FAT1: variants seen among roughly 807,000 people sequenced by gnomAD.
The protein encoded by FAT1 is FAT atypical cadherin 1.
FAT1 carries 171 observed loss-of-function variants against 329.8 expected under a neutral mutation model. The ratio of observed to expected loss-of-function variants is 0.52; its 90% confidence interval spans 0.46 to 0.59. FAT1 has a LOEUF of 0.59. Among genes scored for constraint, FAT1 ranks in the 20% least tolerant of loss-of-function variants. FAT1 has a pLI of 0.00. For missense variants in FAT1, 5,672 were observed against 5,774.4 expected (o/e 0.98, Z 0.57); for synonymous variants, 2,233 against 2,228.6 (o/e 1.00, Z -0.06).
rs780641625 is a variant in FAT1 at position 186,620,288 on chromosome 4, T to G, written c.6298A>C (p.Ile2100Leu). The stretch of plus-strand genomic sequence containing the variant: ...CTGTCTACAGCAGTGACATAGCGAA[T>G]GACATGGCCCACCTCAGTGTCCACT... ...VKVDTEVGHV[I>L]RYVTAVDRDS... The change falls in exon 10 of 27, where the codon ATT becomes CTT. Residue 2100 changes from isoleucine (I) to leucine (L), a missense_variant. Ile to Leu is a conservative substitution (Grantham distance 5). This residue lies in a region of FAT1 where 3,966 missense variants were observed against 3,915.2 expected (regional missense o/e 1.01). Transcript: ENST00000441802. 14 of 1,613,880 alleles carry G rather than the reference T, an allele frequency of 8.7e-6. No individual in the cohort carries two copies. The highest frequency in any genetic ancestry group is 1.2e-5 in the Non-Finnish European group (14 of 1,179,902).
At position 186,707,009 on chromosome 4, in the gene FAT1, AG is replaced by A; in HGVS notation, c.2818del (p.Leu940PhefsTer10). On this transcript the variant is annotated frameshift_variant, in exon 2 of 27. Transcript: ENST00000441802. LOFTEE classifies it high-confidence loss of function. ...CCACATGATGACGGTTCCTTCTGGAAGATCCTCTCGGACTTTCACACGATAA... is the reference window on the plus strand; with the variant it reads ...CCACATGATGACGGTTCCTTCTGGAAATCCTCTCGGACTTTCACACGATAA... ...PNYRVKVREDLPEGTVIMWLE... is the reference protein window; with the variant it reads ...PNYRVKVREDXPEGTVIMWLE... The A allele has an allele frequency of 6.2e-7, 1 of 1,613,984 alleles. No individual in the cohort carries two copies. Among genetic ancestry groups the A allele is most frequent in the Non-Finnish European group, 8.5e-7 (1 of 1,179,888 alleles).
rs1326706984 is a variant in FAT1, at chr4:186,628,332, G to A, written c.4632C>T (p.Asn1544=). ...VRDQDVPVKR[N]FARIVVNVSD... ...TGACATTGACCACAATCCTTGCAAA[G>A]TTGCGTTTTACAGGCACATCTTGAT... Residue 1544 remains asparagine, a synonymous_variant, in exon 9 of 27, where the codon AAC becomes AAT. Coordinates refer to ENST00000441802, the MANE Select transcript of FAT1 (RefSeq NM_005245.4). The A allele has an allele frequency of 6.2e-7, 1 of 1,613,104 alleles. No individual in the cohort carries two copies. Among genetic ancestry groups the A allele is most frequent in the Non-Finnish European group, 8.5e-7 (1 of 1,179,546 alleles).
intron 2 of FAT1, among the ~76,000 whole-genome samples, chr4:186,689,292 C>T (rs1215986835): frequency 6.6e-6 from 1 of 152,148 alleles, no homozygotes; most frequent in Non-Finnish European, 1.5e-5. Flanking sequence ...CCAAATTATG[C>T]CCCCCAAAAA....
At chr4:186,673,822 C>T (rs1016635873) in intron 2 of FAT1, among the ~76,000 whole-genome samples, 2 of 152,100 alleles carry the variant, frequency 1.3e-5, no homozygotes, top group Non-Finnish European at 2.9e-5. Flanking sequence ...CCATGTTGTC[C>T]CGCTTTGTTG....
chr4:186,714,808 G>A (rs1048244262), intron 1 of FAT1, among the ~76,000 whole-genome samples: 86 of 152,312 alleles, frequency 5.6e-4, no homozygotes, highest in African/African-American at 1.5e-3. Flanking sequence ...AGCTGGGCGC[G>A]GTGGCTCACG....
chr4:186,682,464 T>C (rs564352109), intron 2 of FAT1, among the ~76,000 whole-genome samples: 1 of 142,298 alleles, frequency 7.0e-6, no homozygotes, highest in African/African-American at 2.7e-5. Context: ...GAGGTGGAGG[T>C]TGCAGTGAGC....
chr4:186,724,263 T>C (rs1041993813), upstream of FAT1, among the ~76,000 whole-genome samples: 3 of 150,406 alleles, frequency 2.0e-5, no homozygotes, highest in Non-Finnish European at 4.4e-5. This position sits in a 1 kb window ranked among gnomAD's most constrained non-coding sequence, Gnocchi z 5.3. Context: ...TCCATAGCCT[T>C]CTGGGAGCCC....
intron 3 of FAT1, 58 bp downstream of exon 3, chr4:186,663,241 T>C: frequency 3.1e-6 from 4 of 1,287,322 alleles, no homozygotes; most frequent in South Asian, 1.4e-5. Flanking sequence ...ATTCTTACTT[T>C]TCCCCCTAAC....
At chr4:186,662,937 C>T (rs1159610171) in intron 3 of FAT1, among the ~76,000 whole-genome samples, 1 of 152,044 alleles carries the variant, frequency 6.6e-6, no homozygotes, top group Middle Eastern at 3.4e-3. Context: ...CCCGGGTTCA[C>T]GCCATTCTCC....
chr4:186,707,920 T>C lies in FAT1; in HGVS notation c.1908A>G (p.Ala636=), dbSNP rs61733572. 2.1e-5 allele frequency: 34 copies of C among 1,614,010 alleles called. No homozygotes were observed. In the African/African-American group the frequency reaches 3.2e-4, roughly 15 times the overall value. ...TTCTCAGACTGTGGAAAGACACCTT[T>C]GCACCTAAGCCATCCATTAGCGATC... ...LKRSLMDGLG[A]KVSFHSLRIT... Residue 636 remains alanine, a synonymous_variant, in exon 2 of 27, where the codon GCA becomes GCG. Coordinates refer to ENST00000441802, the MANE Select transcript of FAT1 (RefSeq NM_005245.4).
intron 13 of FAT1, 27 bp downstream of exon 13, chr4:186,613,082 T>C (rs1489466780): frequency 6.6e-7 from 1 of 1,525,538 alleles, no homozygotes; most frequent in South Asian, 1.1e-5. Context: ...GTGAGCAGCG[T>C]CAGGCAAGAG....
At chr4:186,658,624 T>C (rs1742025508) in intron 3 of FAT1, among the ~76,000 whole-genome samples, 1 of 152,190 alleles carries the variant, frequency 6.6e-6, no homozygotes, top group African/African-American at 2.4e-5. Context: ...CATTCGAGGT[T>C]TTCCACTGAG....
rs1479304849 is a variant in FAT1, at chr4:186,618,468, A to G, written c.8118T>C (p.Pro2706=). ...CCTCTGACACTGTAAAGGTATAGAA[A>G]GGTTCTGAAAATTTTGGAAGCTGCA... ...PEMQLPKFSE[P]FYTFTVSEDV... Residue 2706 remains proline, a synonymous_variant, in exon 10 of 27, where the codon CCT becomes CCC. Coordinates refer to ENST00000441802, the MANE Select transcript of FAT1 (RefSeq NM_005245.4). 1 of 1,614,034 alleles carries G rather than the reference A, an allele frequency of 6.2e-7. No individual in the cohort carries two copies. The highest frequency in any genetic ancestry group is 1.1e-5 in the South Asian group (1 of 91,088).
Position 186,663,420 on chromosome 4 carries a change from A to G in FAT1, c.3459T>C (p.Pro1153=), listed in dbSNP as rs2126617374. Residue 1153 remains proline, a synonymous_variant, in exon 3 of 27, where the codon CCT becomes CCC. Transcript: ENST00000441802. ...VYYPEIMENS[P]KDVSVVQIEA... The stretch of plus-strand genomic sequence containing the variant: ...CGATCTGGACCACAGATACATCTTT[A>G]GGAGAATTTTCCATGATTTCTGGGT... The G allele has an allele frequency of 6.2e-7, 1 of 1,613,978 alleles. No individual in the cohort carries two copies. Among genetic ancestry groups the G allele is most frequent in the Non-Finnish European group, 8.5e-7 (1 of 1,179,844 alleles).
chr4:186,698,925 AAAAATGCAACAGAATATTTC>A (rs1166254005), intron 2 of FAT1, among the ~76,000 whole-genome samples: 1 of 152,226 alleles, frequency 6.6e-6, no homozygotes, highest in Admixed American at 6.5e-5. Context: ...CTTTCCTTTA[AAAAATGCAACAGAATATTTC>A]AAAATTCAAT....
intron 11 of FAT1, 76 bp from the exon 12 acceptor site, chr4:186,614,420 G>C: frequency 2.0e-6 from 2 of 993,274 alleles, no homozygotes; most frequent in South Asian, 2.4e-5. Flanking sequence ...TAATGGAAAA[G>C]AAATCATTCA....
intron 26 of FAT1, chr4:186,590,358 C>T: frequency 7.8e-7 from 1 of 1,288,026 alleles, no homozygotes; most frequent in Non-Finnish European, 1.0e-6. Flanking sequence ...AACTGGCATG[C>T]ATAAGTCACC....
chr4:186,588,129 TA>T lies in FAT1; in HGVS notation c.*462del, dbSNP rs11339670. 109,579 of 201,698 alleles carry T rather than the reference TA, an allele frequency of 0.54. 24,773 individuals carry two copies. The highest frequency in any genetic ancestry group is 0.63 in the African/African-American group (26,876 of 42,596). The allele number at this position is 201,698 out of a possible 1,614,324, so 12.5% of individuals were successfully genotyped here. On this transcript the variant is annotated 3_prime_UTR_variant, in exon 27 of 27. Transcript: ENST00000441802. ...AGACAGAATGAAACCCTGGTTATAG[TA>T]AAAAAAAAAAAATCAGGGTGCTAGA...
At chr4:186,726,378 G>A (rs1745720288), upstream of FAT1, 1 of 152,236 alleles carries the variant, frequency 6.6e-6, no homozygotes, top group Admixed American at 6.5e-5. Flanking sequence ...CCTCGGCCCT[G>A]GGCTCTAAAG....
Sources: allele counts gnomAD v4.1 joint callset (sites outside exome capture counted in the v4.1 genomes callset), GRCh38; gene constraint gnomAD v4.1.1; regional missense constraint gnomAD v4.1.1; non-coding constraint Gnocchi (gnomAD v3.1); transcripts MANE v1.5; gene names NCBI Gene and HGNC (gene_info 2026-07-23, HGNC 2026-07-21).